TAF10: variants seen among roughly 807,000 people sequenced by gnomAD.
TAF10 encodes the protein TATA-box binding protein associated factor 10.
TAF10 carries 2 observed loss-of-function variants against 18.1 expected under a neutral mutation model. The observed-to-expected ratio is 0.11, with a 90% CI of 0.05 to 0.35. The LOEUF is 0.35. Among genes scored for constraint, TAF10 ranks in the 10% least tolerant of loss-of-function variants. The pLI, the probability that TAF10 is intolerant of heterozygous loss-of-function variation, is 1.00. For missense variants in TAF10, 293 were observed against 306.9 expected (o/e 0.95, Z 0.34); for synonymous variants, 158 against 134.6 (o/e 1.17, Z -1.20).
intron 4 of TAF10, 72 bp downstream of exon 4, chr11:6,611,117 C>T (rs1589944727): frequency 6.3e-7 from 1 of 1,592,590 alleles, no homozygotes; most frequent in Non-Finnish European, 8.6e-7. Flanking sequence ...TTCAGTTTCC[C>T]CAAAGGGGTG....
At chr11:6,611,124 G>C in intron 4 of TAF10, 65 bp downstream of exon 4, 1 of 1,590,672 alleles carries the variant, frequency 6.3e-7, no homozygotes, top group African/African-American at 1.3e-5. Context: ...TCCCCAAAGG[G>C]GTGGCAGGAT....
Position 6,608,302 on chromosome 11 carries a change from T to G in TAF10, c.*2620A>C. ...AACATACAGTAGAAAGCATGTGTGC[T>G]CTTCCCCCTTTTCCCATGCCCTGAC... On this transcript the variant is annotated 3_prime_UTR_variant, in exon 5 of 5. Transcript: ENST00000299424. The surrounding 1 kb of genome is among the most constrained non-coding windows in gnomAD (Gnocchi z 4.9). 6.4e-7 allele frequency: 1 copy of G among 1,559,778 alleles called. No individual in the cohort carries two copies. The highest frequency in any genetic ancestry group is 1.1e-5 in the South Asian group (1 of 90,072).
At position 6,608,651 on chromosome 11, in the gene TAF10, C is replaced by G; in HGVS notation, c.*2271G>C. On this transcript the variant is annotated 3_prime_UTR_variant, in exon 5 of 5. Transcript: ENST00000299424. The surrounding 1 kb of genome is among the most constrained non-coding windows in gnomAD (Gnocchi z 4.9). ...TCATGGTTGGTTCAGTGACTGCCAG[C>G]GAGGTAGCAGTGGCTCTCATCATAA... 1.3e-6 allele frequency: 2 copies of G among 1,521,314 alleles called. No individual in the cohort carries two copies. Among genetic ancestry groups the G allele is most frequent in the Non-Finnish European group, 1.8e-6 (2 of 1,095,156 alleles). The allele number at this position is 1,521,314 out of a possible 1,614,324, so 94.2% of individuals were successfully genotyped here.
At chr11:6,611,640 G>GAC in intron 2 of TAF10, 24 bp downstream of exon 2, 1 of 1,576,288 alleles carries the variant, frequency 6.3e-7, no homozygotes, top group Admixed American at 1.8e-5. Flanking sequence ...CAGGCTAGGT[G>GAC]GCCTTGTTCG....
rs1855318373 is a variant in TAF10, at chr11:6,609,815, A to G, written c.*1107T>C. On this transcript the variant is annotated 3_prime_UTR_variant, in exon 5 of 5. Coordinates refer to ENST00000299424, the MANE Select transcript of TAF10 (RefSeq NM_006284.4). ...TACACACACTAGAGCCCCTCATCCC[A>G]CGACATGCACTCAATAGCCGTAGTG... The G allele has an allele frequency of 6.2e-7, 1 of 1,614,146 alleles. No homozygotes were observed. The highest frequency in any genetic ancestry group is 2.2e-5 in the East Asian group (1 of 44,880).
In TAF10 at chr11:6,607,511, A is replaced by C. The variant is rs3741271; in HGVS notation, c.*3411T>G. On this transcript the variant is annotated 3_prime_UTR_variant, in exon 5 of 5. Transcript: ENST00000299424. ...TTTTAGATGTTAGTTTCAGTACCAG[A>C]GCCAAATAGTAAGTTTGTTCCCTCT... 35,249 of 161,710 alleles carry C rather than the reference A, an allele frequency of 0.22. 4,188 individuals carry two copies. The highest frequency in any genetic ancestry group is 0.26 in the Non-Finnish European group (18,858 of 73,236). 10.0% of individuals were successfully genotyped at this position (161,710 alleles called of 1,614,324 possible). A position where few individuals can be genotyped will look rare whatever the true frequency, so the allele number is the denominator to read the frequency against.
Position 6,611,212 on chromosome 11 carries a change from C to T in TAF10, c.544G>A (p.Gly182Ser), listed in dbSNP as rs763522406. Residue 182 changes from glycine (G) to serine (S), a missense_variant, in exon 4 of 5, where the codon GGC (glycine) becomes AGC (serine). Coordinates refer to ENST00000299424, the MANE Select transcript of TAF10 (RefSeq NM_006284.4). ...QHCKMKGTASGSSRSKSKDRK... is the reference protein window; with the variant it reads ...QHCKMKGTASSSSRSKSKDRK... ...ACCTTGCTCTTGCTCCGGGAGCTGC[C>T]GGAGGCCGTGCCCTTCATTTTGCAG... The T allele has an allele frequency of 1.7e-5, 27 of 1,613,962 alleles. No individual in the cohort carries two copies. The highest frequency in any genetic ancestry group is 5.3e-5 in the African/African-American group (4 of 74,916).
intron 2 of TAF10, 44 bp downstream of exon 2, chr11:6,611,620 G>A: frequency 6.3e-7 from 1 of 1,579,974 alleles, no homozygotes; most frequent in Middle Eastern, 1.7e-4. Context: ...GTGGCTGAAA[G>A]TTTTGACAGC....
In TAF10 at chr11:6,612,009, T is replaced by A; in HGVS notation, c.181A>T (p.Thr61Ser). The change falls in exon 1 of 5, where the codon ACG becomes TCG. Residue 61 changes from threonine (T) to serine (S), a missense_variant. Thr to Ser is a moderately conservative substitution (Grantham distance 58). Transcript: ENST00000299424. ...GPGAGAAAGGTGPLAARAGEP... is the reference protein window; with the variant it reads ...GPGAGAAAGGSGPLAARAGEP... Reference sequence around the variant, plus strand: ...CCGGCCCGCGCCGCCAAGGGTCCCGTGCCCCCAGCAGCTGCTCCAGCCCCA... The same window carrying A: ...CCGGCCCGCGCCGCCAAGGGTCCCGAGCCCCCAGCAGCTGCTCCAGCCCCA... 1 of 1,543,422 alleles carries A rather than the reference T, an allele frequency of 6.5e-7. No individual in the cohort carries two copies. Among genetic ancestry groups the A allele is most frequent in the East Asian group, 2.4e-5 (1 of 41,028 alleles).
Position 6,607,590 on chromosome 11 carries a change from C to G in TAF10, c.*3332G>C, listed in dbSNP as rs777818734. 2 of 234,160 alleles carry G rather than the reference C, an allele frequency of 8.5e-6. No individual in the cohort carries two copies. The highest frequency in any genetic ancestry group is 5.2e-5 in the Admixed American group (1 of 19,228). 14.5% of individuals were successfully genotyped at this position (234,160 alleles called of 1,614,324 possible). A position where few individuals can be genotyped will look rare whatever the true frequency, so the allele number is the denominator to read the frequency against. ...GACACCCTTCTCCCCCACTAACATG[C>G]ACTGAACAGCTGCTGTCAATCCATT... On this transcript the variant is annotated 3_prime_UTR_variant, in exon 5 of 5. Coordinates refer to ENST00000299424, the MANE Select transcript of TAF10 (RefSeq NM_006284.4).
Position 6,609,830 on chromosome 11 carries a change from T to C in TAF10, c.*1092A>G. The C allele has an allele frequency of 6.2e-7, 1 of 1,614,174 alleles. No homozygotes were observed. The highest frequency in any genetic ancestry group is 8.5e-7 in the Non-Finnish European group (1 of 1,180,012). ...CCCTCATCCCACGACATGCACTCAA[T>C]AGCCGTAGTGTAATGGTGAGGCCAC... On this transcript the variant is annotated 3_prime_UTR_variant, in exon 5 of 5. Transcript: ENST00000299424.
In TAF10 at chr11:6,610,511, A is replaced by C; in HGVS notation, c.*411T>G. Reference sequence around the variant, plus strand: ...ACCATCCCACCAGGTATTTCCCCTCATGTGTGTAAGCTCATGAAGATCTGC... The same window carrying C: ...ACCATCCCACCAGGTATTTCCCCTCCTGTGTGTAAGCTCATGAAGATCTGC... On this transcript the variant is annotated 3_prime_UTR_variant, in exon 5 of 5. Coordinates refer to ENST00000299424, the MANE Select transcript of TAF10 (RefSeq NM_006284.4). The C allele has an allele frequency of 6.2e-7, 1 of 1,614,140 alleles. No individual in the cohort carries two copies.
rs1419936517 is a variant in TAF10 at position 6,610,049 on chromosome 11, T to G, written c.*873A>C. 1 of 1,613,920 alleles carries G rather than the reference T, an allele frequency of 6.2e-7. No individual in the cohort carries two copies. Among genetic ancestry groups the G allele is most frequent in the Non-Finnish European group, 8.5e-7 (1 of 1,179,974 alleles). On this transcript the variant is annotated 3_prime_UTR_variant, in exon 5 of 5. Transcript: ENST00000299424. ...TAGCCCCCGAAGGTGAGTGAAGTCATCATGTCGGGAGGTAAAAAAGGACCA... is the reference window on the plus strand; with the variant it reads ...TAGCCCCCGAAGGTGAGTGAAGTCAGCATGTCGGGAGGTAAAAAAGGACCA...
chr11:6,607,848 A>G lies in TAF10; in HGVS notation c.*3074T>C, dbSNP rs1855084450. On this transcript the variant is annotated 3_prime_UTR_variant, in exon 5 of 5. Transcript: ENST00000299424. ...ACATTTTTTTATAGAGGTTGTTGAG[A>G]TATCTAGGTGGTTGGTTTGGTTTGA... 1.7e-6 allele frequency: 1 copy of G among 600,630 alleles called. No homozygotes were observed. 37.2% of individuals were successfully genotyped at this position (600,630 alleles called of 1,614,324 possible). A position where few individuals can be genotyped will look rare whatever the true frequency, so the allele number is the denominator to read the frequency against.
chr11:6,611,024 G>A lies in TAF10; in HGVS notation c.568-13C>T. On this transcript the variant is annotated splice_polypyrimidine_tract_variant and intron_variant, in intron 4 of 4. Transcript: ENST00000299424. ...TGTACTTGCGGTCCTGAGGGAAGAG[G>A]GAAGAGCACCAACTGAGCACAGGAA... is the stretch of plus-strand genomic sequence containing the variant. The A allele has an allele frequency of 1.9e-6, 3 of 1,613,626 alleles. No homozygotes were observed. The highest frequency in any genetic ancestry group is 2.5e-6 in the Non-Finnish European group (3 of 1,179,822).
Position 6,612,162 on chromosome 11 carries a change from G to C in TAF10, c.28C>G (p.Pro10Ala), listed in dbSNP as rs886708283. Residue 10 changes from proline (P) to alanine (A), a missense_variant, in exon 1 of 5, where the codon CCC (proline) becomes GCC (alanine). By Grantham distance (27) the Pro-to-Ala change is conservative (BLOSUM62 -1). Coordinates refer to ENST00000299424, the MANE Select transcript of TAF10 (RefSeq NM_006284.4). MSCSGSGAD[P>A]EAAPASAASA... ...GCGGCGGAGGCCGGCGCCGCCTCGG[G>C]GTCCGCGCCGGAGCCGCTGCAGCTC... The C allele has an allele frequency of 1.7e-4, 200 of 1,184,266 alleles. No homozygotes were observed. Among genetic ancestry groups the C allele is most frequent in the African/African-American group, 5.3e-4 (33 of 62,034 alleles). The allele number at this position is 1,184,266 out of a possible 1,614,324, so 73.4% of individuals were successfully genotyped here.
rs1855482179 is a variant in TAF10, at chr11:6,612,107, G to C, written c.83C>G (p.Ser28Trp). 1 of 1,221,122 alleles carries C rather than the reference G, an allele frequency of 8.2e-7. No homozygotes were observed. Among genetic ancestry groups the C allele is most frequent in the African/African-American group, 1.6e-5 (1 of 63,606 alleles). 75.6% of individuals were successfully genotyped at this position (1,221,122 alleles called of 1,614,324 possible). Residue 28 changes from serine to tryptophan, a missense_variant, in exon 1 of 5, where the codon TCG becomes TGG. Transcript: ENST00000299424. ...GCTGGAGGGCAGCGCGGCGGGAGCC[G>C]AGACCGGGGGCGCGGGGCCCGGGGC... The part of the protein sequence containing the change: ...ASAPGPAPPV[S>W]APAALPSSTA...
Position 6,607,885 on chromosome 11 carries a change from A to C in TAF10, c.*3037T>G. ...TTGGTTTGGTTTGAAGCTCAGGGGA[A>C]GGTCTGAAATGGACAGCTTTGGGAG... On this transcript the variant is annotated 3_prime_UTR_variant, in exon 5 of 5. Transcript: ENST00000299424. 1.5e-6 allele frequency: 1 copy of C among 680,670 alleles called. No individual in the cohort carries two copies. The highest frequency in any genetic ancestry group is 4.0e-4 in the Middle Eastern group (1 of 2,476). 42.2% of individuals were successfully genotyped at this position (680,670 alleles called of 1,614,324 possible). A position where few individuals can be genotyped will look rare whatever the true frequency, so the allele number is the denominator to read the frequency against.
At position 6,611,202 on chromosome 11, in the gene TAF10, C is replaced by T. The variant is rs748533535; in HGVS notation, c.554G>A (p.Arg185Gln). The part of the protein sequence containing the change: ...KMKGTASGSS[R>Q]SKSKDRKYTL... ...CTCCCCTCACACCTTGCTCTTGCTC[C>T]GGGAGCTGCCGGAGGCCGTGCCCTT... is the stretch of plus-strand genomic sequence containing the variant. Residue 185 changes from arginine to glutamine, a missense_variant, in exon 4 of 5, where the codon CGG becomes CAG. Transcript: ENST00000299424. 7 of 1,613,860 alleles carry T rather than the reference C, an allele frequency of 4.3e-6. No homozygotes were observed. The highest frequency in any genetic ancestry group is 1.1e-5 in the South Asian group (1 of 91,088).
Sources: gnomAD v4.1 joint callset for allele counts on GRCh38, gnomAD v4.1.1 for gene constraint, Gnocchi (gnomAD v3.1) non-coding constraint, MANE v1.5 for transcripts, NCBI Gene and HGNC (gene_info 2026-07-23, HGNC 2026-07-21) for gene names.